The following MACROD2 variants were observed in gnomAD, a reference collection of about 807,000 sequenced individuals.
MACROD2 encodes the protein ADP-ribose glycohydrolase MACROD2.
MACROD2 carries 36 observed loss-of-function variants against 70.4 expected under a neutral mutation model. The observed-to-expected ratio is 0.51, with a 90% CI of 0.39 to 0.68. MACROD2 has a LOEUF of 0.68. Among genes scored for constraint, MACROD2 ranks in the 30% least tolerant of loss-of-function variants. The pLI is 0.00. For synonymous variants in MACROD2, 172 were observed against 178.8 expected, an observed-to-expected ratio of 0.96 and a Z score of 0.30; for missense variants, 496 against 538.4, an observed-to-expected ratio of 0.92 and a Z score of 0.78.
chr20:14,183,620 T>G (rs1024974071), intron 3 of MACROD2, among the ~76,000 whole-genome samples: 3 of 152,118 alleles, frequency 2.0e-5, no homozygotes, highest in African/African-American at 7.2e-5. Flanking sequence ...GTGGTTGAAG[T>G]AATTAATACT....
At chr20:14,332,278 C>A (rs2082858482) in intron 3 of MACROD2, among the ~76,000 whole-genome samples, 1 of 151,810 alleles carries the variant, frequency 6.6e-6, no homozygotes, top group South Asian at 2.1e-4. Context: ...CCCAATAAAA[C>A]ATGTAAATAG....
intron 4 of MACROD2, among the ~76,000 whole-genome samples, chr20:14,673,509 T>G (rs187574851): frequency 3.3e-5 from 5 of 152,322 alleles, no homozygotes; most frequent in Non-Finnish European, 7.4e-5. Flanking sequence ...TAGGCTCGCT[T>G]GGTGACATTG....
intron 10 of MACROD2, among the ~76,000 whole-genome samples, chr20:15,905,134 T>C (rs1482261751): frequency 6.6e-6 from 1 of 152,194 alleles, no homozygotes; most frequent in Admixed American, 6.5e-5. Flanking sequence ...AGCTCTTTTC[T>C]TCATGCTCAG....
chr20:15,088,428 T>TATAA (rs1555781457), intron 5 of MACROD2, among the ~76,000 whole-genome samples: 19 of 36,676 alleles, frequency 5.2e-4, no homozygotes, highest in African/African-American at 1.1e-3. Flanking sequence ...TATATATATA[T>TATAA]ATATATATAT....
At chr20:14,084,241 A>G (rs894089487) in intron 2 of MACROD2, among the ~76,000 whole-genome samples, 1 of 151,810 alleles carries the variant, frequency 6.6e-6, no homozygotes, top group African/African-American at 2.4e-5. Flanking sequence ...TAGGTGACTC[A>G]TAACCTATCA....
intron 3 of MACROD2, among the ~76,000 whole-genome samples, chr20:14,471,917 A>G (rs2123048571): frequency 6.6e-6 from 1 of 152,278 alleles, no homozygotes; most frequent in East Asian, 1.9e-4. Flanking sequence ...AAAGAAATAA[A>G]AGAAATAAAA....
chr20:15,465,290 C>T (rs1017386257), intron 7 of MACROD2, among the ~76,000 whole-genome samples: 8 of 152,170 alleles, frequency 5.3e-5, no homozygotes, highest in African/African-American at 1.7e-4. Flanking sequence ...TACCATGATA[C>T]GTCATAACTT....
chr20:14,531,629 A>G (rs922279677), intron 4 of MACROD2, among the ~76,000 whole-genome samples: 6 of 152,194 alleles, frequency 3.9e-5, no homozygotes, highest in Non-Finnish European at 5.9e-5. Flanking sequence ...CAGGTATTTT[A>G]TTAGTGGTAG....
intron 8 of MACROD2, among the ~76,000 whole-genome samples, chr20:15,528,690 T>C (rs2146542252): frequency 6.6e-6 from 1 of 151,940 alleles, no homozygotes; most frequent in Non-Finnish European, 1.5e-5. Context: ...ATCCAGAAAT[T>C]AAAATATCTC....
intron 5 of MACROD2, among the ~76,000 whole-genome samples, chr20:15,108,333 GAGTA>G (rs1364349144): frequency 3.3e-5 from 5 of 152,170 alleles, no homozygotes; most frequent in Admixed American, 6.5e-5. Context: ...AGCATTAATA[GAGTA>G]AGTAAGCATG....
At chr20:14,141,809 G>A (rs1435226198) in intron 3 of MACROD2, among the ~76,000 whole-genome samples, 5 of 150,478 alleles carry the variant, frequency 3.3e-5, no homozygotes, top group African/African-American at 1.2e-4. Context: ...AGAGTACAGA[G>A]GAGGGCACAT....
intron 5 of MACROD2, among the ~76,000 whole-genome samples, chr20:14,798,370 T>C (rs1198293197): frequency 2.0e-5 from 3 of 152,092 alleles, no homozygotes; most frequent in Non-Finnish European, 4.4e-5. Flanking sequence ...TCAACATGGA[T>C]TTGTCTTGAT....
intron 3 of MACROD2, among the ~76,000 whole-genome samples, chr20:14,106,515 G>C (rs1232426965): frequency 6.6e-6 from 1 of 152,074 alleles, no homozygotes; most frequent in African/African-American, 2.4e-5. Flanking sequence ...TGCCCTGAAG[G>C]GAGGGACAAA....
chr20:14,019,276 T>C (rs1300424632), intron 2 of MACROD2, among the ~76,000 whole-genome samples: 1 of 152,052 alleles, frequency 6.6e-6, no homozygotes, highest in Non-Finnish European at 1.5e-5. Context: ...TGGAGCGTAG[T>C]GTTTGTTTGT....
At chr20:14,829,265 G>A (rs142251090) in intron 5 of MACROD2, among the ~76,000 whole-genome samples, 2,769 of 151,306 alleles carry the variant, frequency 0.018, 96 homozygotes, top group African/African-American at 0.064. Context: ...AAGTAGCTGG[G>A]ACTACAGGTG....
Position 14,947,325 on chromosome 20 carries a change from C to T in MACROD2, c.418+262366C>T, listed in dbSNP as rs550137303. ...AAGTGATTCAGAACATTGGGAAGACCAGCATGATTCCATTTCTGACTCCGG... is the reference window on the plus strand; with the variant it reads ...AAGTGATTCAGAACATTGGGAAGACTAGCATGATTCCATTTCTGACTCCGG... On this transcript the variant is annotated intron_variant, in intron 5 of 17. Coordinates refer to ENST00000684519, the MANE Select transcript of MACROD2 (RefSeq NM_001351661.2). 2.6e-5 allele frequency among the ~76,000 whole-genome samples: 4 copies of T among 152,262 alleles called. No individual in the cohort carries two copies. The East Asian group carries it at 7.7e-4, about 29-fold the overall frequency.
intron 4 of MACROD2, among the ~76,000 whole-genome samples, chr20:14,586,800 T>C (rs180896252): frequency 6.4e-4 from 98 of 152,186 alleles, no homozygotes; most frequent in Middle Eastern, 3.4e-3. Flanking sequence ...TAGAGGCTTT[T>C]GTTCTGTGTC....
intron 4 of MACROD2, among the ~76,000 whole-genome samples, chr20:14,627,961 G>T (rs139174431): frequency 6.6e-6 from 1 of 152,128 alleles, no homozygotes; most frequent in Non-Finnish European, 1.5e-5. Flanking sequence ...ACATAATGTG[G>T]GAATGCAGAC....
chr20:15,431,084 C>T (rs981209176), intron 6 of MACROD2, among the ~76,000 whole-genome samples: 1 of 151,982 alleles, frequency 6.6e-6, no homozygotes, highest in Admixed American at 6.6e-5. Flanking sequence ...TGAGTTCTGA[C>T]TATTGGTTAT....
Sources: allele counts gnomAD v4.1 joint callset (sites outside exome capture counted in the v4.1 genomes callset), GRCh38; gene constraint gnomAD v4.1.1; transcripts MANE v1.5; gene names NCBI Gene and HGNC (gene_info 2026-07-23, HGNC 2026-07-21).